Variants in RALYL observed in about 807,000 individuals in gnomAD.
RALYL encodes the protein RALY RNA binding protein like, also known as RNA-binding Raly-like protein.
Under a neutral mutation model 35.1 loss-of-function variants are expected in RALYL, and 29 were observed. That is an observed-to-expected ratio of 0.83 (90% confidence interval 0.61 to 1.13). The LOEUF (loss-of-function observed/expected upper bound fraction) is 1.13, where lower values mean the gene tolerates loss of function less well. RALYL is among the 50% of genes most tolerant of loss of function. RALYL has a pLI of 0.00. For missense variants in RALYL, 359 were observed against 360.4 expected (o/e 1.00, Z 0.03); for synonymous variants, 120 against 127.6 (o/e 0.94, Z 0.40).
intron 1 of RALYL, among the ~76,000 whole-genome samples, chr8:84,350,417 G>A (rs1279427299): frequency 6.6e-6 from 1 of 150,482 alleles, no homozygotes; most frequent in Non-Finnish European, 1.5e-5. Flanking sequence ...ATTTGCCTAT[G>A]AATTTAGTTT....
chr8:84,445,144 T>C (rs1007945469), intron 1 of RALYL, among the ~76,000 whole-genome samples: 3 of 152,110 alleles, frequency 2.0e-5, no homozygotes, highest in Admixed American at 6.6e-5. Flanking sequence ...ACAACCATGT[T>C]GAAAGATAGC....
chr8:84,369,360 A>G (rs1467115134), intron 1 of RALYL, among the ~76,000 whole-genome samples: 1 of 152,046 alleles, frequency 6.6e-6, no homozygotes, highest in East Asian at 1.9e-4. Flanking sequence ...CAAAAGAAAG[A>G]GATATAGACA....
At chr8:84,838,513 T>C (rs573078032) in intron 4 of RALYL, among the ~76,000 whole-genome samples, 1 of 152,324 alleles carries the variant, frequency 6.6e-6, no homozygotes, top group South Asian at 2.1e-4. Flanking sequence ...GCCCAAACCA[T>C]TAAGACAAAA....
chr8:84,207,933 A>G (rs192013521), intron 1 of RALYL, among the ~76,000 whole-genome samples: 40 of 152,190 alleles, frequency 2.6e-4, no homozygotes, highest in Non-Finnish European at 5.9e-5. Flanking sequence ...AAATTAGGGA[A>G]AAAAGTTTCA....
At chr8:84,280,521 A>G (rs1836329482) in intron 1 of RALYL, among the ~76,000 whole-genome samples, 1 of 151,942 alleles carries the variant, frequency 6.6e-6, no homozygotes, top group African/African-American at 2.4e-5. Flanking sequence ...GGAGTTGAAA[A>G]ATTTCAGACA....
At chr8:84,550,588 T>G (rs1167418155) in intron 2 of RALYL, among the ~76,000 whole-genome samples, 1 of 150,682 alleles carries the variant, frequency 6.6e-6, no homozygotes, top group Non-Finnish European at 1.5e-5. Flanking sequence ...AATAAAATAT[T>G]ATATATTTGA....
chr8:84,530,794 G>A (rs950193542), intron 2 of RALYL, among the ~76,000 whole-genome samples: 4 of 152,042 alleles, frequency 2.6e-5, no homozygotes, highest in Non-Finnish European at 5.9e-5. Flanking sequence ...GCCCTATACT[G>A]CCACATCTTC....
chr8:84,478,339 C>T (rs2053650714), intron 1 of RALYL, among the ~76,000 whole-genome samples: 1 of 151,942 alleles, frequency 6.6e-6, no homozygotes, highest in South Asian at 2.1e-4. Context: ...GGAGGAAAGA[C>T]AAAGATGAAT....
At chr8:84,603,604 A>G (rs929852301) in intron 2 of RALYL, among the ~76,000 whole-genome samples, 1 of 152,118 alleles carries the variant, frequency 6.6e-6, no homozygotes, top group Non-Finnish European at 1.5e-5. Flanking sequence ...AGGCAGGAGA[A>G]GTGAAGTAAC....
chr8:84,377,762 T>A (rs1049667610), intron 1 of RALYL, among the ~76,000 whole-genome samples: 1 of 151,840 alleles, frequency 6.6e-6, no homozygotes, highest in African/African-American at 2.4e-5. Context: ...AAATTCAGAA[T>A]GAATACCTCC....
intron 1 of RALYL, among the ~76,000 whole-genome samples, chr8:84,302,558 T>C (rs1213016364): frequency 6.6e-6 from 1 of 152,186 alleles, no homozygotes; most frequent in African/African-American, 2.4e-5. Flanking sequence ...GTAATCCTGA[T>C]TGCTGTAGTG....
intron 2 of RALYL, among the ~76,000 whole-genome samples, chr8:84,742,721 G>A (rs76670973): frequency 0.017 from 2,512 of 152,070 alleles, 79 homozygotes; most frequent in African/African-American, 0.056. Flanking sequence ...TCCCCCAAGG[G>A]GAGAATAAAA....
At chr8:84,660,592 GTTT>G (rs1239680820) in intron 2 of RALYL, among the ~76,000 whole-genome samples, 2 of 151,508 alleles carry the variant, frequency 1.3e-5, no homozygotes, top group African/African-American at 4.8e-5. Flanking sequence ...GGTTTTTCAT[GTTT>G]TTTAACTATT....
chr8:84,341,797 C>T (rs1388416), intron 1 of RALYL, among the ~76,000 whole-genome samples: 62,160 of 151,296 alleles, frequency 0.41, 12,975 homozygotes, highest in East Asian at 0.51. Flanking sequence ...TGTACAGATA[C>T]ATTTCACCCA....
intron 1 of RALYL, among the ~76,000 whole-genome samples, chr8:84,352,384 C>T (rs1339048650): frequency 6.7e-6 from 1 of 150,334 alleles, no homozygotes; most frequent in Non-Finnish European, 1.5e-5. Context: ...TCAAAAGAAA[C>T]AAATCCTTGA....
At chr8:84,367,033 C>A (rs1854459236) in intron 1 of RALYL, among the ~76,000 whole-genome samples, 1 of 151,584 alleles carries the variant, frequency 6.6e-6, no homozygotes, top group African/African-American at 2.4e-5. Flanking sequence ...GGAAAAAAAA[C>A]ACTCCGTAGA....
intron 1 of RALYL, among the ~76,000 whole-genome samples, chr8:84,372,953 G>T (rs945858927): frequency 4.0e-5 from 5 of 123,836 alleles, no homozygotes; most frequent in Non-Finnish European, 6.4e-5. Context: ...TTGTGAGATG[G>T]TATCTCATTG....
intron 3 of RALYL, among the ~76,000 whole-genome samples, chr8:84,794,761 A>C (rs536172425): frequency 7.9e-5 from 12 of 152,312 alleles, no homozygotes; most frequent in African/African-American, 2.4e-4. Context: ...TCCTAGGAGA[A>C]TCTGCCAGTG....
intron 1 of RALYL, among the ~76,000 whole-genome samples, chr8:84,513,319 T>C (rs1053258878): frequency 2.0e-5 from 3 of 152,184 alleles, no homozygotes; most frequent in African/African-American, 7.2e-5. Context: ...TTAGCTAGTT[T>C]GTTATTATTG....
Sources: allele counts gnomAD v4.1 joint callset (sites outside exome capture counted in the v4.1 genomes callset), GRCh38; gene constraint gnomAD v4.1.1; transcripts MANE v1.5; gene names NCBI Gene and HGNC (gene_info 2026-07-23, HGNC 2026-07-21).